The following MCPH1 variants were observed in gnomAD, a reference collection of about 807,000 sequenced individuals.
The protein encoded by MCPH1 is microcephalin.
Under a neutral mutation model 84.5 loss-of-function variants are expected in MCPH1, and 104 were observed. The ratio of observed to expected loss-of-function variants is 1.23; its 90% CI spans 1.05 to 1.45. The LOEUF (loss-of-function observed/expected upper bound fraction) is 1.45, where lower values mean the gene tolerates loss of function less well. MCPH1 is among the 40% of genes most tolerant of loss of function. The pLI is 0.00. For synonymous variants in MCPH1, 514 were observed against 366.8 expected (o/e 1.40, Z -4.58); for missense variants, 1,498 against 1,005.7 (o/e 1.49, Z -6.62).
chr8:6,611,779 C>T (rs925278790), intron 12 of MCPH1, among the ~76,000 whole-genome samples: 13 of 152,198 alleles, frequency 8.5e-5, no homozygotes, highest in East Asian at 7.7e-4. Context: ...CCACCACGCC[C>T]GGCTAATTTT....
At chr8:6,639,682 A>C (rs764696931) in intron 13 of MCPH1, among the ~76,000 whole-genome samples, 1 of 151,568 alleles carries the variant, frequency 6.6e-6, no homozygotes, top group Non-Finnish European at 1.5e-5. Context: ...AAAAAAAAAC[A>C]TATTTACATA....
intron 12 of MCPH1, among the ~76,000 whole-genome samples, chr8:6,588,559 C>T (rs1321594783): frequency 2.0e-5 from 3 of 152,200 alleles, no homozygotes; most frequent in Non-Finnish European, 2.9e-5. Flanking sequence ...CCTGGAGTGG[C>T]GTAAGTCTGG....
chr8:6,480,704 G>T lies in MCPH1; in HGVS notation c.1974-10G>T, dbSNP rs762333683. Reference sequence around the variant, plus strand: ...CATTCATTTTGTTAATTTTTCCCCCGATTTGACAGAAAGCAGAATGTCGTC... The same window carrying T: ...CATTCATTTTGTTAATTTTTCCCCCTATTTGACAGAAAGCAGAATGTCGTC... On this transcript the variant is annotated splice_polypyrimidine_tract_variant and intron_variant, in intron 10 of 13. Transcript: ENST00000344683. 5 of 1,614,034 alleles carry T rather than the reference G, an allele frequency of 3.1e-6. No homozygotes were observed. The East Asian group carries it at 1.1e-4, about 36-fold the overall frequency.
intron 13 of MCPH1, among the ~76,000 whole-genome samples, chr8:6,634,368 G>C (rs1054294711): frequency 1.3e-5 from 2 of 152,224 alleles, no homozygotes; most frequent in African/African-American, 4.8e-5. Context: ...ATGAAAATCT[G>C]ATGCCAGAAC....
intron 4 of MCPH1, among the ~76,000 whole-genome samples, chr8:6,433,211 TG>T (rs1382073810): frequency 2.6e-5 from 4 of 152,240 alleles, no homozygotes; most frequent in African/African-American, 9.6e-5. Context: ...TGTCAGTTTT[TG>T]CTAAGTATAT....
chr8:6,572,815 G>A (rs1826770384), intron 12 of MCPH1, among the ~76,000 whole-genome samples: 1 of 152,066 alleles, frequency 6.6e-6, no homozygotes, highest in Non-Finnish European at 1.5e-5. Context: ...CACAAGCACT[G>A]CTGCCTAAGG....
chr8:6,623,722 T>TA (rs1563206433), intron 13 of MCPH1, among the ~76,000 whole-genome samples: 582 of 1,454 alleles, frequency 0.4, 160 homozygotes, highest in Middle Eastern at 0.75. Flanking sequence ...AAAAAAACTA[T>TA]TGATTTTAGT....
intron 12 of MCPH1, among the ~76,000 whole-genome samples, chr8:6,552,375 T>G (rs183634358): frequency 6.0e-4 from 92 of 152,326 alleles, no homozygotes; most frequent in Non-Finnish European, 2.9e-5. Flanking sequence ...GAGGCACTCA[T>G]GCAATATGCA....
At position 6,471,601 on chromosome 8, in the gene MCPH1, G is replaced by A. The variant is rs187607595; in HGVS notation, c.1936-5993G>A. Among the ~76,000 whole-genome samples the A allele has an allele frequency of 5.9e-4, 90 of 152,232 alleles. 1 individual carries two copies. In the South Asian group the frequency reaches 7.5e-3, roughly 13 times the overall value. ...AGCAACAATACTGTAAACAAAAGCC[G>A]CAGTCCTCCTTCAGTAGTTCATCTG... On this transcript the variant is annotated intron_variant, in intron 9 of 13. Transcript: ENST00000344683.
chr8:6,537,146 A>G (rs531919431), intron 12 of MCPH1, among the ~76,000 whole-genome samples: 6 of 152,042 alleles, frequency 3.9e-5, no homozygotes, highest in Non-Finnish European at 8.8e-5. Context: ...GCTCTTTCCA[A>G]TTTCACATGC....
At chr8:6,488,195 G>C (rs866417300) in intron 11 of MCPH1, among the ~76,000 whole-genome samples, 3 of 152,214 alleles carry the variant, frequency 2.0e-5, no homozygotes, top group Admixed American at 2.0e-4. Flanking sequence ...GGAAGCAGGC[G>C]CTGCGGTCTA....
intron 12 of MCPH1, among the ~76,000 whole-genome samples, chr8:6,581,911 G>A (rs1458814074): frequency 1.3e-5 from 2 of 152,112 alleles, no homozygotes; most frequent in Non-Finnish European, 2.9e-5. Flanking sequence ...GGAGCTCTCT[G>A]GGGTCCCTTT....
chr8:6,583,813 CTT>C (rs200119646), intron 12 of MCPH1, among the ~76,000 whole-genome samples: 1 of 112,222 alleles, frequency 8.9e-6, no homozygotes. Context: ...GTCTCGGAGT[CTT>C]TTTTTTTTTT....
Position 6,410,089 on chromosome 8 carries a change from C to G in MCPH1, c.114+719C>G, listed in dbSNP as rs183678412. Reference sequence around the variant, plus strand: ...GGTTCAAGCGATTGTCCTGCCTCAGCCTTCCAAGTATCTGGGACTACAGGC... The same window carrying G: ...GGTTCAAGCGATTGTCCTGCCTCAGGCTTCCAAGTATCTGGGACTACAGGC... On this transcript the variant is annotated intron_variant, in intron 2 of 13. Coordinates refer to ENST00000344683, the MANE Select transcript of MCPH1 (RefSeq NM_024596.5). Among the ~76,000 whole-genome samples, 538 of 152,148 alleles carry G rather than the reference C, an allele frequency of 3.5e-3. 13 individuals are homozygous for G. The highest frequency in any genetic ancestry group is 9.6e-4 in the Non-Finnish European group (65 of 67,988).
chr8:6,579,152 C>A (rs1454330534), intron 12 of MCPH1, among the ~76,000 whole-genome samples: 1 of 152,216 alleles, frequency 6.6e-6, no homozygotes, highest in Admixed American at 6.5e-5. Flanking sequence ...ACACCTGACA[C>A]CTCCATCTTG....
intron 8 of MCPH1, chr8:6,446,114 T>C (rs1397610170): frequency 1.7e-5 from 16 of 967,840 alleles, no homozygotes; most frequent in Non-Finnish European, 2.0e-5. Context: ...CAAGCCTTGT[T>C]TAACTTGTAC....
intron 12 of MCPH1, chr8:6,519,809 A>C: frequency 2.5e-6 from 4 of 1,593,620 alleles, no homozygotes; most frequent in Non-Finnish European, 3.4e-6. Context: ...TTCCTCACTC[A>C]CTAAAGTGGC....
At chr8:6,462,542 T>A (rs1329306712) in intron 9 of MCPH1, among the ~76,000 whole-genome samples, 2 of 152,234 alleles carry the variant, frequency 1.3e-5, no homozygotes, top group Non-Finnish European at 2.9e-5. Flanking sequence ...TGAGAGACTG[T>A]CTTCTTTCAG....
chr8:6,573,861 C>A (rs913380936), intron 12 of MCPH1, among the ~76,000 whole-genome samples: 8 of 152,184 alleles, frequency 5.3e-5, no homozygotes, highest in African/African-American at 1.4e-4. Flanking sequence ...TTGGGTTTTA[C>A]AGTACACATA....
Sources: gnomAD v4.1 joint callset for allele counts (sites outside exome capture counted in the v4.1 genomes callset) on GRCh38, gnomAD v4.1.1 for gene constraint, MANE v1.5 for transcripts, NCBI Gene and HGNC (gene_info 2026-07-23, HGNC 2026-07-21) for gene names.